Variants in ZNF337 observed in about 807,000 individuals in gnomAD.
ZNF337 encodes the protein zinc finger protein 337.
In ZNF337, 8 loss-of-function variants were observed where a neutral mutation model predicts 12.1. The ratio of observed to expected loss-of-function variants is 0.66; its 90% confidence interval spans 0.39 to 1.19. The LOEUF is 1.19. ZNF337 is among the 50% of genes most tolerant of loss of function. ZNF337 has a pLI of 0.01. For synonymous variants in ZNF337, 336 were observed against 320.0 expected (o/e 1.05, Z -0.53); for missense variants, 882 against 896.6 (o/e 0.98, Z 0.21).
rs1043486561 is a variant in ZNF337 at position 25,674,944 on chromosome 20, G to A, written c.*88C>T. On this transcript the variant is annotated 3_prime_UTR_variant, in exon 5 of 5. Coordinates refer to ENST00000252979, the MANE Select transcript of ZNF337 (RefSeq NM_015655.4). ...CTGTCTGCCTCTGTTATATCTTCAC[G>A]AACAAGTTATGCAGCCTCAACTAAA... 80 of 1,263,762 alleles carry A rather than the reference G, an allele frequency of 6.3e-5. No individual in the cohort carries two copies. The African/African-American group carries it at 9.6e-4, about 15-fold the overall frequency. The allele number at this position is 1,263,762 out of a possible 1,614,324, so 78.3% of individuals were successfully genotyped here.
intron 1 of ZNF337, among the ~76,000 whole-genome samples, chr20:25,693,623 C>T (rs1326508440): frequency 6.6e-6 from 1 of 152,180 alleles, no homozygotes; most frequent in Non-Finnish European, 1.5e-5. Flanking sequence ...ATGGAAGTGT[C>T]CTGAATGAGG....
At chr20:25,681,788 T>A (rs1227059977) in intron 4 of ZNF337, among the ~76,000 whole-genome samples, 3 of 152,194 alleles carry the variant, frequency 2.0e-5, no homozygotes, top group Non-Finnish European at 4.4e-5. Context: ...GCATCTTATA[T>A]AAATCCTAAA....
rs780926326 is a variant in ZNF337, at chr20:25,675,579, C to T, written c.1709G>A (p.Arg570Lys). The change falls in exon 5 of 5, where the codon AGG becomes AAG. Residue 570 changes from arginine (R) to lysine (K), a missense_variant. Coordinates refer to ENST00000252979, the MANE Select transcript of ZNF337 (RefSeq NM_015655.4). Reference protein sequence around the residue: ...LRHQWTHSGERPFNCKDCGRG... With the variant: ...LRHQWTHSGEKPFNCKDCGRG... The stretch of plus-strand genomic sequence containing the variant: ...CCCGCAATCCTTGCAATTAAATGGC[C>T]TTTCCCCCGAGTGTGTCCACTGATG... 5 of 1,612,214 alleles carry T rather than the reference C, an allele frequency of 3.1e-6. No homozygotes were observed. Among genetic ancestry groups the T allele is most frequent in the Admixed American group, 3.3e-5 (2 of 59,810 alleles).
At chr20:25,692,031 A>T (rs1363982141) in intron 1 of ZNF337, among the ~76,000 whole-genome samples, 1 of 152,176 alleles carries the variant, frequency 6.6e-6, no homozygotes. Context: ...AGGGAAGGAA[A>T]AAGCTATGGC....
At chr20:25,678,573 A>G (rs1255414694) in intron 4 of ZNF337, among the ~76,000 whole-genome samples, 1 of 152,204 alleles carries the variant, frequency 6.6e-6, no homozygotes, top group African/African-American at 2.4e-5. Context: ...CATAAAGTAC[A>G]AAGTGGGAGG....
rs550054940 is a variant in ZNF337 at position 25,686,391 on chromosome 20, C to T, written c.27G>A (p.Gln9=). The T allele has an allele frequency of 1.9e-6, 3 of 1,613,894 alleles. No individual in the cohort carries two copies. The highest frequency in any genetic ancestry group is 2.2e-5 in the South Asian group (2 of 91,068). MGPQGARR[Q]AFLAFGDVTV... Reference sequence around the variant, plus strand: ...GAACGACAGTTCTGGGAAGTCTCACCTGTCTCCTGGCTCCCTGAGGTCCCA... The same window carrying T: ...GAACGACAGTTCTGGGAAGTCTCACTTGTCTCCTGGCTCCCTGAGGTCCCA... The change falls in exon 2 of 5, where the codon CAG becomes CAA. Residue 9 remains glutamine, a splice_region_variant and synonymous_variant. Transcript: ENST00000252979.
intron 1 of ZNF337, 118 bp from the exon 2 acceptor site, chr20:25,686,584 C>T: frequency 1.4e-6 from 1 of 735,100 alleles, no homozygotes; most frequent in Non-Finnish European, 2.2e-6. Context: ...CACAATTCCC[C>T]TGTGGGGATC....
chr20:25,686,150 C>T (rs770440822), intron 2 of ZNF337, 28 bp from the exon 3 acceptor site: 4 of 1,613,528 alleles, frequency 2.5e-6, no homozygotes, highest in Non-Finnish European at 3.4e-6. Context: ...GGCATGCTCA[C>T]CAGGGACAGT....
Position 25,675,935 on chromosome 20 carries a change from CTGA to C in ZNF337, c.1350_1352del (p.His450del). ...AAGGCTTCTCCTCTGAGTGTGTGAT[CTGA>C]TGTTTCACAAGGGTTGACTTCTGAA... On this transcript the variant is annotated inframe_deletion, in exon 5 of 5. Coordinates refer to ENST00000252979, the MANE Select transcript of ZNF337 (RefSeq NM_015655.4). 1 of 1,613,972 alleles carries C rather than the reference CTGA, an allele frequency of 6.2e-7. No homozygotes were observed. Among genetic ancestry groups the C allele is most frequent in the Non-Finnish European group, 8.5e-7 (1 of 1,179,960 alleles).
At chr20:25,680,872 C>T (rs1300918404) in intron 4 of ZNF337, 1 of 152,216 alleles carries the variant, frequency 6.6e-6, no homozygotes, top group African/African-American at 2.4e-5. Flanking sequence ...GCTCCCATTA[C>T]ATTAAACATT....
intron 1 of ZNF337, chr20:25,686,754 G>A (rs1006045247): frequency 2.8e-6 from 1 of 354,990 alleles, no homozygotes; most frequent in Non-Finnish European, 5.1e-6. Context: ...TTTAAGGTTA[G>A]GGCTCAGAGT....
chr20:25,678,670 G>A (rs1034633740), intron 4 of ZNF337, among the ~76,000 whole-genome samples: 9 of 152,116 alleles, frequency 5.9e-5, no homozygotes, highest in African/African-American at 1.7e-4. Flanking sequence ...CACTGGCCAG[G>A]CACAGTGGCT....
At chr20:25,695,537 C>CT (rs1422306835) in intron 1 of ZNF337, among the ~76,000 whole-genome samples, 2 of 152,094 alleles carry the variant, frequency 1.3e-5, no homozygotes, top group African/African-American at 4.8e-5. Flanking sequence ...CCGTGTATAT[C>CT]TTTCTCTTAT....
chr20:25,685,656 A>G lies in ZNF337; in HGVS notation c.161T>C (p.Leu54Pro). 1 of 1,613,964 alleles carries G rather than the reference A, an allele frequency of 6.2e-7. No individual in the cohort carries two copies. Among genetic ancestry groups the G allele is most frequent in the Non-Finnish European group, 8.5e-7 (1 of 1,179,956 alleles). The change falls in exon 4 of 5, where the codon CTC becomes CCC. Residue 54 changes from leucine to proline, a missense_variant. Transcript: ENST00000252979. Reference protein sequence around the residue: ...NYSHLVSLGILHSKPELIRRL... With the variant: ...NYSHLVSLGIPHSKPELIRRL... ...CCTGATGAGTTCTGGTTTAGAATGG[A>G]GAATTCCTGCTCACAGGGAAAAAAA... is the stretch of plus-strand genomic sequence containing the variant.
At chr20:25,693,771 A>AT (rs1193247158) in intron 1 of ZNF337, among the ~76,000 whole-genome samples, 11 of 152,326 alleles carry the variant, frequency 7.2e-5, no homozygotes, top group African/African-American at 2.6e-4. Flanking sequence ...GCACTGCAGG[A>AT]AGGCAATACA....
At chr20:25,684,154 G>A (rs13038358) in intron 4 of ZNF337, among the ~76,000 whole-genome samples, 2 of 138,466 alleles carry the variant, frequency 1.4e-5, no homozygotes, top group African/African-American at 5.4e-5. Flanking sequence ...ATTGAACAAT[G>A]AGAACACATG....
At chr20:25,683,920 A>G (rs973197063) in intron 4 of ZNF337, among the ~76,000 whole-genome samples, 1 of 152,104 alleles carries the variant, frequency 6.6e-6, no homozygotes, top group African/African-American at 2.4e-5. Context: ...TTATTGCAGC[A>G]CTATACACAA....
Position 25,673,400 on chromosome 20 carries a change from C to A in ZNF337, c.*1632G>T, listed in dbSNP as rs192824493. Among the ~76,000 whole-genome samples the A allele has an allele frequency of 1.3e-5, 2 of 152,288 alleles. No individual in the cohort carries two copies. Among genetic ancestry groups the A allele is most frequent in the Non-Finnish European group, 2.9e-5 (2 of 68,022 alleles). On this transcript the variant is annotated 3_prime_UTR_variant, in exon 5 of 5. Coordinates refer to ENST00000252979, the MANE Select transcript of ZNF337 (RefSeq NM_015655.4). ...TGTGCAGCTATGTAGGGCACATGCTCATTAAGCTGGCCTTAATTGTGAAGG... is the reference window on the plus strand; with the variant it reads ...TGTGCAGCTATGTAGGGCACATGCTAATTAAGCTGGCCTTAATTGTGAAGG...
chr20:25,693,067 T>C (rs368943485), intron 1 of ZNF337, among the ~76,000 whole-genome samples: 3 of 152,202 alleles, frequency 2.0e-5, no homozygotes, highest in East Asian at 1.9e-4. Flanking sequence ...ATCCCAGATA[T>C]GTTACATAAA....
Sources: allele counts gnomAD v4.1 joint callset (sites outside exome capture counted in the v4.1 genomes callset), GRCh38; gene constraint gnomAD v4.1.1; transcripts MANE v1.5; gene names NCBI Gene and HGNC (gene_info 2026-07-23, HGNC 2026-07-21).